Variants in TRIM66 observed in about 807,000 individuals in gnomAD.
The protein encoded by TRIM66 is tripartite motif-containing protein 66.
A neutral mutation model predicts 148.2 loss-of-function variants in TRIM66; 99 were observed. That is an observed-to-expected ratio of 0.67 (90% CI 0.57 to 0.79). The LOEUF (loss-of-function observed/expected upper bound fraction) is 0.79. Among genes scored for constraint, TRIM66 ranks in the 30% least tolerant of loss-of-function variants. TRIM66 has a pLI of 0.00. For synonymous variants in TRIM66, 616 were observed against 635.9 expected (o/e 0.97, Z 0.47); for missense variants, 1,666 against 1,697.9 (o/e 0.98, Z 0.33).
At chr11:8,622,365 C>CATATATATATATATATATATATATATAT (rs1217954064) in intron 18 of TRIM66, among the ~76,000 whole-genome samples, 12 of 59,468 alleles carry the variant, frequency 2.0e-4, no homozygotes, top group Admixed American at 4.7e-4. Flanking sequence ...CACACACACA[C>CATATATATATATATATATATATATATAT]ATATATATAT....
chr11:8,662,757 A>G (rs2133397416), intron 6 of TRIM66, among the ~76,000 whole-genome samples: 1 of 152,332 alleles, frequency 6.6e-6, no homozygotes, highest in Admixed American at 6.5e-5. Context: ...AGAAACAATA[A>G]GTAATGTTCC....
At chr11:8,621,597 C>A in intron 19 of TRIM66, 48 bp downstream of exon 19, 1 of 1,473,068 alleles carries the variant, frequency 6.8e-7, no homozygotes, top group Non-Finnish European at 9.0e-7. Context: ...AAAGAATAAG[C>A]TCTTAGGCTG....
Position 8,618,864 on chromosome 11 carries a change from C to T in TRIM66, c.4005G>A (p.Glu1335=), listed in dbSNP as rs887709721. Reference sequence around the variant, plus strand: ...TAGACACCTCCTCGGAGTCTGAGTCCTCCTGCCTTGGCTGGGCAAACCGTT... The same window carrying T: ...TAGACACCTCCTCGGAGTCTGAGTCTTCCTGCCTTGGCTGGGCAAACCGTT... The part of the protein sequence containing the change: ...PEKRFAQPRQ[E]DSDSEEVSSE... The change falls in exon 24 of 25, where the codon GAG becomes GAA. Residue 1335 remains glutamate, a synonymous_variant. Coordinates refer to ENST00000646038, the MANE Select transcript of TRIM66 (RefSeq NM_001388022.1). The T allele has an allele frequency of 4.5e-6, 7 of 1,551,458 alleles. No individual in the cohort carries two copies. The Admixed American group carries it at 7.8e-5, about 17-fold the overall frequency.
At chr11:8,680,162 T>C (rs1022999908) in intron 1 of TRIM66, 99 bp from the exon 2 acceptor site, 1 of 152,302 alleles carries the variant, frequency 6.6e-6, no homozygotes, top group Non-Finnish European at 1.5e-5. Context: ...GGAAACAGCA[T>C]GAGCAAAGGC....
At chr11:8,660,686 T>C (rs1466318256) in intron 6 of TRIM66, among the ~76,000 whole-genome samples, 1 of 152,238 alleles carries the variant, frequency 6.6e-6, no homozygotes, top group African/African-American at 2.4e-5. Flanking sequence ...TGTGCTAGCC[T>C]CACCCTTTGG....
chr11:8,671,853 C>T lies in TRIM66; in HGVS notation c.273G>A (p.Lys91=). The change falls in exon 6 of 25, where the codon AAG becomes AAA. Residue 91 remains lysine, a synonymous_variant. Coordinates refer to ENST00000646038, the MANE Select transcript of TRIM66 (RefSeq NM_001388022.1). ...CCTGTATCAAGCCCTGGAAGCAGTC[C>T]TTACGGAGCAAATGCTGGCAGGATA... ...HLLSCQHLLR[K]DCFQGLIQEL... 6.5e-7 allele frequency: 1 copy of T among 1,535,230 alleles called. No homozygotes were observed. Among genetic ancestry groups the T allele is most frequent in the East Asian group, 2.4e-5 (1 of 40,918 alleles).
At chr11:8,634,507 G>A (rs2035703845) in intron 15 of TRIM66, among the ~76,000 whole-genome samples, 1 of 152,222 alleles carries the variant, frequency 6.6e-6, no homozygotes. Flanking sequence ...TTTTTCGGCA[G>A]TTGACTGGTT....
At chr11:8,627,883 G>A (rs2141929535) in intron 15 of TRIM66, among the ~76,000 whole-genome samples, 1 of 152,316 alleles carries the variant, frequency 6.6e-6, no homozygotes, top group African/African-American at 2.4e-5. Flanking sequence ...GGAATGCAGT[G>A]GCACAACCAC....
At chr11:8,666,116 C>G (rs1015049753) in intron 6 of TRIM66, among the ~76,000 whole-genome samples, 74 of 151,894 alleles carry the variant, frequency 4.9e-4, no homozygotes, top group African/African-American at 1.7e-3. Flanking sequence ...GTGGGCAGAT[C>G]ACCAGAGGTC....
rs746187564 is a variant in TRIM66, at chr11:8,640,515, TG to T, written c.1859del (p.Pro620HisfsTer33). The T allele has an allele frequency of 5.6e-6, 4 of 719,322 alleles. No individual in the cohort carries two copies. The African/African-American group carries it at 2.1e-4, about 38-fold the overall frequency. 44.6% of individuals were successfully genotyped at this position (719,322 alleles called of 1,614,324 possible). A position where few individuals can be genotyped will look rare whatever the true frequency, so the allele number is the denominator to read the frequency against. ...GAGGAAGAGGTGGGTGTGGCTGCTG[TG>T]GGGGAGGGGGAAGGGGAGGTGGGGG... ...PHPPPPLPPP[P>X]QQPHPPLPPS... On this transcript the variant is annotated frameshift_variant, in exon 14 of 25. Transcript: ENST00000646038. LOFTEE classifies it high-confidence loss of function.
chr11:8,654,005 C>T (rs1217187509), intron 6 of TRIM66, among the ~76,000 whole-genome samples: 2 of 152,180 alleles, frequency 1.3e-5, no homozygotes, highest in South Asian at 2.1e-4. Flanking sequence ...AGGTGACCTC[C>T]TCATCTACAG....
intron 19 of TRIM66, 131 bp downstream of exon 19, chr11:8,621,514 C>T: frequency 7.6e-7 from 1 of 1,320,410 alleles, no homozygotes. Context: ...CAGCAGGGGA[C>T]AACGTCTGGC....
In TRIM66 at chr11:8,620,580, G is replaced by A; in HGVS notation, c.3546-8C>T. ...GTACACACCCACTCTCCCCTGCAGG[G>A]GCAGGTGAGGCCATGTTAGGCCTCA... On this transcript the variant is annotated splice_region_variant and splice_polypyrimidine_tract_variant and intron_variant, in intron 20 of 24. Coordinates refer to ENST00000646038, the MANE Select transcript of TRIM66 (RefSeq NM_001388022.1). The A allele has an allele frequency of 6.4e-7, 1 of 1,551,488 alleles. No homozygotes were observed. The highest frequency in any genetic ancestry group is 8.7e-7 in the Non-Finnish European group (1 of 1,146,968).
At chr11:8,652,581 C>T (rs2037452845) in intron 6 of TRIM66, among the ~76,000 whole-genome samples, 1 of 152,148 alleles carries the variant, frequency 6.6e-6, no homozygotes, top group African/African-American at 2.4e-5. Context: ...AGAAATACAT[C>T]AGTCTCTAAC....
chr11:8,663,086 C>T (rs1261876275), intron 6 of TRIM66: 1 of 152,232 alleles, frequency 6.6e-6, no homozygotes, highest in Non-Finnish European at 1.5e-5. Flanking sequence ...ACCCAGCCAT[C>T]CCACTGCATG....
At chr11:8,629,275 T>C (rs1409403046) in intron 15 of TRIM66, among the ~76,000 whole-genome samples, 1 of 152,258 alleles carries the variant, frequency 6.6e-6, no homozygotes, top group Non-Finnish European at 1.5e-5. Context: ...CATTCCGTTT[T>C]GCAATATATG....
In TRIM66 at chr11:8,638,044, ATC is replaced by A. The variant is rs1428469892; in HGVS notation, c.2310+608_2310+609del. On this transcript the variant is annotated intron_variant, in intron 15 of 24. Transcript: ENST00000646038. ...GCCTCCAAGAGCTCATCTTCAAGAG[ATC>A]TCTGTGTCTCAGCTGCTCATCTACC... Among the ~76,000 whole-genome samples the A allele has an allele frequency of 2.0e-5, 3 of 152,102 alleles. No individual in the cohort carries two copies. The East Asian group carries it at 5.8e-4, about 29-fold the overall frequency.
At chr11:8,620,014 AAGG>A (rs1432535866) in intron 22 of TRIM66, 33 bp downstream of exon 22, 11 of 1,535,166 alleles carry the variant, frequency 7.2e-6, no homozygotes, top group African/African-American at 5.5e-5. Context: ...ATCCACATGC[AAGG>A]AGAAGGTGAG....
intron 6 of TRIM66, 104 bp downstream of exon 6, chr11:8,671,682 G>A (rs957540204): frequency 4.7e-6 from 3 of 640,788 alleles, no homozygotes; most frequent in Non-Finnish European, 8.4e-6. Context: ...TGTCCCTTGG[G>A]CATTTAAATT....
Sources: allele counts gnomAD v4.1 joint callset (sites outside exome capture counted in the v4.1 genomes callset), GRCh38; gene constraint gnomAD v4.1.1; transcripts MANE v1.5; gene names NCBI Gene and HGNC (gene_info 2026-07-23, HGNC 2026-07-21).